The following FHIT variants were observed in gnomAD, a reference collection of about 807,000 sequenced individuals.
The protein encoded by FHIT is bis(5'-adenosyl)-triphosphatase.
FHIT carries 19 observed loss-of-function variants against 17.9 expected under a neutral mutation model. That is an observed-to-expected ratio of 1.06 (90% CI 0.74 to 1.56). The LOEUF (loss-of-function observed/expected upper bound fraction) is 1.56. Ranked by LOEUF, FHIT falls within the 40% of genes most tolerant of loss-of-function variation. The pLI is 0.00. For missense variants in FHIT, 248 were observed against 189.2 expected, an observed-to-expected ratio of 1.31 and a Z score of -1.82; for synonymous variants, 81 against 69.7, an observed-to-expected ratio of 1.16 and a Z score of -0.81.
chr3:60,512,052 G>A (rs894846092), intron 5 of FHIT, among the ~76,000 whole-genome samples: 20 of 152,046 alleles, frequency 1.3e-4, no homozygotes, highest in African/African-American at 2.7e-4. Flanking sequence ...TTGAAAGAAC[G>A]ACAAAAATAG....
At chr3:60,488,236 G>T (rs2033922296) in intron 5 of FHIT, among the ~76,000 whole-genome samples, 1 of 152,174 alleles carries the variant, frequency 6.6e-6, no homozygotes, top group South Asian at 2.1e-4. Context: ...TATTTGAGAT[G>T]CTCGGTCCAT....
intron 7 of FHIT, among the ~76,000 whole-genome samples, chr3:59,964,061 G>C (rs1707811611): frequency 6.6e-6 from 1 of 152,148 alleles, no homozygotes; most frequent in Non-Finnish European, 1.5e-5. Flanking sequence ...TCAATGCCAA[G>C]AATCTGCATG....
intron 3 of FHIT, among the ~76,000 whole-genome samples, chr3:61,030,350 T>C (rs2032950924): frequency 6.6e-6 from 1 of 152,228 alleles, no homozygotes. Context: ...ATTCATTCGT[T>C]CATTCAATAC....
intron 8 of FHIT, among the ~76,000 whole-genome samples, chr3:59,767,125 C>A (rs758890293): frequency 1.4e-4 from 21 of 152,140 alleles, no homozygotes; most frequent in Non-Finnish European, 2.5e-4. Flanking sequence ...CTACTTACAA[C>A]AGGAGGGGGT....
intron 3 of FHIT, among the ~76,000 whole-genome samples, chr3:60,864,912 A>G (rs1553753534): frequency 6.6e-6 from 1 of 152,204 alleles, no homozygotes; most frequent in East Asian, 1.9e-4. Flanking sequence ...GATAAAGGGT[A>G]GATGCATGTA....
intron 8 of FHIT, among the ~76,000 whole-genome samples, chr3:59,763,542 T>C (rs911952571): frequency 2.0e-5 from 3 of 152,228 alleles, no homozygotes; most frequent in Non-Finnish European, 2.9e-5. Context: ...AATATGAACA[T>C]GTATTCAGTG....
At chr3:60,158,690 A>C (rs936032401) in intron 5 of FHIT, among the ~76,000 whole-genome samples, 1 of 152,204 alleles carries the variant, frequency 6.6e-6, no homozygotes, top group African/African-American at 2.4e-5. Context: ...TCCATTAGCT[A>C]CTAAGAGTGA....
In FHIT at chr3:60,014,145, A is replaced by G. The variant is rs971100832; in HGVS notation, c.111T>C (p.Leu37=). The part of the protein sequence containing the change: ...NRKPVVPGHV[L]VCPLRPVERF... ...GCTCCACTGGCCGCAGCGGGCACACAAGGACATCTGTAGCAAGGTCTGTTA... is the reference window on the plus strand; with the variant it reads ...GCTCCACTGGCCGCAGCGGGCACACGAGGACATCTGTAGCAAGGTCTGTTA... Residue 37 remains leucine, a synonymous_variant, in exon 6 of 10, where the codon CTT becomes CTC. Transcript: ENST00000492590. 2 of 1,613,998 alleles carry G rather than the reference A, an allele frequency of 1.2e-6. No individual in the cohort carries two copies. Among genetic ancestry groups the G allele is most frequent in the Admixed American group, 3.3e-5 (2 of 60,026 alleles).
intron 3 of FHIT, among the ~76,000 whole-genome samples, chr3:60,861,241 C>CATATATATA (rs1553752479): frequency 2.7e-5 from 1 of 37,098 alleles, no homozygotes; most frequent in Non-Finnish European, 4.8e-5. Context: ...TATATCATAT[C>CATATATATA]ATATATGATA....
At chr3:60,520,175 G>A (rs2035306344) in intron 5 of FHIT, among the ~76,000 whole-genome samples, 1 of 152,034 alleles carries the variant, frequency 6.6e-6, no homozygotes, top group Non-Finnish European at 1.5e-5. Flanking sequence ...CTAAATGATA[G>A]AACAGACTAG....
chr3:60,772,746 TAATTACTCCTGCAGGCA>T (rs1700087733), intron 4 of FHIT, among the ~76,000 whole-genome samples: 1 of 152,164 alleles, frequency 6.6e-6, no homozygotes, highest in African/African-American at 2.4e-5. Context: ...GCAACTTCCC[TAATTACTCCTGCAGGCA>T]ACATCACTAT....
At chr3:60,419,306 A>T (rs1298240312) in intron 5 of FHIT, among the ~76,000 whole-genome samples, 2 of 152,110 alleles carry the variant, frequency 1.3e-5, no homozygotes, top group Non-Finnish European at 2.9e-5. Flanking sequence ...CCTCTCTATC[A>T]TTCTTAGCTA....
Position 60,936,976 on chromosome 3 carries a change from G to A in FHIT, c.-111+105071C>T, listed in dbSNP as rs141879356. Reference sequence around the variant, plus strand: ...ACAAATGACTAAACTGTATTGCTAAGCAAAGGGATGTAATCAACACTTTGT... The same window carrying A: ...ACAAATGACTAAACTGTATTGCTAAACAAAGGGATGTAATCAACACTTTGT... On this transcript the variant is annotated intron_variant, in intron 3 of 9. Transcript: ENST00000492590. Among the ~76,000 whole-genome samples, 3 of 147,752 alleles carry A rather than the reference G, an allele frequency of 2.0e-5. No homozygotes were observed. In the Admixed American group the frequency reaches 2.1e-4, roughly 10 times the overall value.
intron 5 of FHIT, among the ~76,000 whole-genome samples, chr3:60,445,837 TC>T (rs1389713116): frequency 6.6e-6 from 1 of 151,962 alleles, no homozygotes. Flanking sequence ...CTCCCTGTTA[TC>T]CCTCTACTCA....
At chr3:60,071,311 A>G (rs1205844349) in intron 5 of FHIT, among the ~76,000 whole-genome samples, 1 of 152,200 alleles carries the variant, frequency 6.6e-6, no homozygotes, top group Non-Finnish European at 1.5e-5. Flanking sequence ...AAATCATACT[A>G]TTTTAGATAT....
chr3:60,409,051 T>C (rs1188600422), intron 5 of FHIT, among the ~76,000 whole-genome samples: 2 of 152,182 alleles, frequency 1.3e-5, no homozygotes, highest in Non-Finnish European at 2.9e-5. Flanking sequence ...GCAAGTTCCT[T>C]ACTATTTATT....
chr3:60,396,500 C>G (rs1176549183), intron 5 of FHIT, among the ~76,000 whole-genome samples: 1 of 152,086 alleles, frequency 6.6e-6, no homozygotes, highest in Non-Finnish European at 1.5e-5. Flanking sequence ...GGGAAATGAA[C>G]AGAAGATTAA....
intron 4 of FHIT, among the ~76,000 whole-genome samples, chr3:60,650,105 T>A (rs905065035): frequency 5.3e-5 from 8 of 152,236 alleles, no homozygotes; most frequent in African/African-American, 1.9e-4. Flanking sequence ...TTTCTAGGCC[T>A]AAAATACAGT....
chr3:60,445,112 T>C (rs1046052811), intron 5 of FHIT, among the ~76,000 whole-genome samples: 5 of 152,202 alleles, frequency 3.3e-5, no homozygotes, highest in South Asian at 4.1e-4. Flanking sequence ...CTCTAAAATA[T>C]GGTAATCAAA....
Sources: gnomAD v4.1 joint callset for allele counts (sites outside exome capture counted in the v4.1 genomes callset) on GRCh38, gnomAD v4.1.1 for gene constraint, MANE v1.5 for transcripts, NCBI Gene and HGNC (gene_info 2026-07-23, HGNC 2026-07-21) for gene names.